Variants in ITGB1BP1 observed in about 807,000 individuals in gnomAD.
The protein encoded by ITGB1BP1 is integrin beta-1-binding protein 1.
A neutral mutation model predicts 28.0 loss-of-function variants in ITGB1BP1; 20 were observed. That is an observed-to-expected ratio of 0.71 (90% CI 0.50 to 1.04). ITGB1BP1 has a LOEUF of 1.04. Ranked by LOEUF, ITGB1BP1 falls within the 50% of genes least tolerant of loss-of-function variation. The pLI, the probability that ITGB1BP1 is intolerant of heterozygous loss-of-function variation, is 0.00. For missense variants in ITGB1BP1, 228 were observed against 242.5 expected, an observed-to-expected ratio of 0.94 and a Z score of 0.40; for synonymous variants, 103 against 89.5, an observed-to-expected ratio of 1.15 and a Z score of -0.85.
Position 9,414,170 on chromosome 2 carries a change from T to C in ITGB1BP1, c.151+8A>G. On this transcript the variant is annotated splice_region_variant and intron_variant, in intron 3 of 6. Coordinates refer to ENST00000355346, the MANE Select transcript of ITGB1BP1 (RefSeq NM_004763.5). Reference sequence around the variant, plus strand: ...GCAGACAATCAATGATCCAACCCTTTTATGTACCTGAGCTTTTGGTGGAAT... The same window carrying C: ...GCAGACAATCAATGATCCAACCCTTCTATGTACCTGAGCTTTTGGTGGAAT... 1 of 1,611,722 alleles carries C rather than the reference T, an allele frequency of 6.2e-7. No individual in the cohort carries two copies. Among genetic ancestry groups the C allele is most frequent in the Non-Finnish European group, 8.5e-7 (1 of 1,177,888 alleles).
chr2:9,407,979 A>G (rs1677774033), intron 5 of ITGB1BP1, 134 bp downstream of exon 5: 3 of 637,866 alleles, frequency 4.7e-6, no homozygotes, highest in Non-Finnish European at 8.3e-6. Context: ...GGTCACGTTT[A>G]AGACCAACTG....
chr2:9,412,243 A>C, intron 4 of ITGB1BP1, 26 bp downstream of exon 4: 1 of 1,583,266 alleles, frequency 6.3e-7, no homozygotes, highest in South Asian at 1.1e-5. Flanking sequence ...TCATAACCAG[A>C]GAGTTACGGA....
chr2:9,422,406 C>A, intron 1 of ITGB1BP1: 3 of 985,584 alleles, frequency 3.0e-6, no homozygotes, highest in Non-Finnish European at 3.6e-6. Context: ...GTTCTCAGCG[C>A]GATGCTCCAC....
intron 2 of ITGB1BP1, 77 bp from the exon 3 acceptor site, chr2:9,414,333 A>G (rs1375212995): frequency 4.1e-6 from 4 of 971,366 alleles, no homozygotes; most frequent in Non-Finnish European, 4.9e-6. Flanking sequence ...ACCCATTCAC[A>G]TCATTTATTA....
rs7578783 is a variant in ITGB1BP1 at position 9,406,060 on chromosome 2, C to T, written c.*774G>A. On this transcript the variant is annotated 3_prime_UTR_variant, in exon 7 of 7. Coordinates refer to ENST00000355346, the MANE Select transcript of ITGB1BP1 (RefSeq NM_004763.5). ...CACTGAGTGGACCTCTGTGACATCT[C>T]GTCTTCCTCAGGCCTTCAGTGTGTG... 4 of 75,608 alleles carry T rather than the reference C, an allele frequency of 5.3e-5. No individual in the cohort carries two copies. Among genetic ancestry groups the T allele is most frequent in the South Asian group, 4.2e-4 (1 of 2,380 alleles). The allele number at this position is 75,608 out of a possible 1,614,324, so 4.7% of individuals were successfully genotyped here. A position where few individuals can be genotyped will look rare whatever the true frequency, so the allele number is the denominator to read the frequency against.
At chr2:9,412,449 G>C in intron 3 of ITGB1BP1, 44 bp from the exon 4 acceptor site, 2 of 1,516,204 alleles carry the variant, frequency 1.3e-6, no homozygotes, top group Non-Finnish European at 8.9e-7. Flanking sequence ...AGAAATATCT[G>C]CATTACAGAG....
intron 1 of ITGB1BP1, 98 bp from the exon 2 acceptor site, chr2:9,418,830 G>A: frequency 3.7e-6 from 3 of 818,460 alleles, no homozygotes; most frequent in Non-Finnish European, 6.0e-6. Context: ...AGGCTGGAGT[G>A]CAGTGGCACA....
chr2:9,416,206 G>A (rs1471558131), intron 2 of ITGB1BP1, among the ~76,000 whole-genome samples: 1 of 152,010 alleles, frequency 6.6e-6, no homozygotes, highest in African/African-American at 2.4e-5. Flanking sequence ...TATTTGACCC[G>A]TATATTTTAA....
At chr2:9,420,689 A>G (rs1679717981) in intron 1 of ITGB1BP1, among the ~76,000 whole-genome samples, 1 of 152,258 alleles carries the variant, frequency 6.6e-6, no homozygotes, top group South Asian at 2.1e-4. Context: ...CAATGGGCCC[A>G]AAGTGCCACA....
In ITGB1BP1 at chr2:9,414,290, C is replaced by T. The variant is rs75769281; in HGVS notation, c.73-34G>A. On this transcript the variant is annotated intron_variant, in intron 2 of 6. Coordinates refer to ENST00000355346, the MANE Select transcript of ITGB1BP1 (RefSeq NM_004763.5). ...CAGAAAAACAAGTAAAAAACCTCCA[C>T]TGAAGCAGCCCTGTCTTCTCTAAAG... is the stretch of plus-strand genomic sequence containing the variant. 3.0e-3 allele frequency: 4,648 copies of T among 1,526,414 alleles called. 102 individuals carry two copies. The African/African-American group carries it at 0.055, about 18-fold the overall frequency. 94.6% of individuals were successfully genotyped at this position (1,526,414 alleles called of 1,614,324 possible). A position where few individuals can be genotyped will look rare whatever the true frequency, so the allele number is the denominator to read the frequency against.
chr2:9,406,857 C>CGT lies in ITGB1BP1; in HGVS notation c.579_580insAC (p.Val194ThrfsTer3). 6.2e-7 allele frequency: 1 copy of CGT among 1,613,146 alleles called. No individual in the cohort carries two copies. Among genetic ancestry groups the CGT allele is most frequent in the Non-Finnish European group, 8.5e-7 (1 of 1,179,096 alleles). ...ATTCAGGGTTTCTCAGATGTTAATA[C>CGT]AGAGTCAAAAGCGGTGGATAAAACC... On this transcript the variant is annotated frameshift_variant, in exon 7 of 7. Transcript: ENST00000355346. LOFTEE classifies it high-confidence loss of function.
At chr2:9,419,716 G>T (rs751715837) in intron 1 of ITGB1BP1, among the ~76,000 whole-genome samples, 9 of 152,176 alleles carry the variant, frequency 5.9e-5, no homozygotes, top group Non-Finnish European at 1.2e-4. Context: ...ACAGCTCACA[G>T]AACTCCCGGG....
chr2:9,410,962 G>A (rs888003113), intron 4 of ITGB1BP1, among the ~76,000 whole-genome samples: 2 of 152,154 alleles, frequency 1.3e-5, no homozygotes, highest in African/African-American at 4.8e-5. Context: ...TCTTGGTATT[G>A]CAGTTAATAT....
At position 9,415,415 on chromosome 2, in the gene ITGB1BP1, AC is replaced by A. The variant is rs2148896968; in HGVS notation, c.73-1160del. Among the ~76,000 whole-genome samples the A allele has an allele frequency of 6.6e-6, 1 of 151,534 alleles. No individual in the cohort carries two copies. Among genetic ancestry groups the A allele is most frequent in the South Asian group, 2.1e-4 (1 of 4,786 alleles). ...AACAAAAACACACACACAAAAAAAA[AC>A]ACAACAATACAAAAATTAGCCAGGC... On this transcript the variant is annotated intron_variant, in intron 2 of 6. Transcript: ENST00000355346. The surrounding 1 kb of genome is among the most constrained non-coding windows in gnomAD (Gnocchi z 4.1).
chr2:9,407,399 G>C (rs749631664), intron 6 of ITGB1BP1, 50 bp downstream of exon 6: 1 of 1,601,890 alleles, frequency 6.2e-7, no homozygotes, highest in Admixed American at 1.7e-5. Flanking sequence ...GTAGTCCCTG[G>C]GTGTTGCGAC....
intron 2 of ITGB1BP1, among the ~76,000 whole-genome samples, chr2:9,417,708 C>T (rs546505037): frequency 6.6e-6 from 1 of 152,148 alleles, no homozygotes; most frequent in African/African-American, 2.4e-5. Context: ...CATGAGCCAC[C>T]GTGCCCGGCC....
intron 1 of ITGB1BP1, among the ~76,000 whole-genome samples, chr2:9,420,621 G>C (rs556755102): frequency 2.0e-5 from 3 of 152,216 alleles, no homozygotes; most frequent in South Asian, 2.1e-4. Context: ...AGGCAATGCC[G>C]TGCGGGTGGA....
chr2:9,417,060 C>T (rs897948338), intron 2 of ITGB1BP1, among the ~76,000 whole-genome samples: 3 of 152,194 alleles, frequency 2.0e-5, no homozygotes, highest in Admixed American at 1.3e-4. Flanking sequence ...ACATCCTCCC[C>T]GGCAGTCTCT....
chr2:9,414,339 T>A (rs1413390449), intron 2 of ITGB1BP1, 83 bp from the exon 3 acceptor site: 12 of 946,962 alleles, frequency 1.3e-5, no homozygotes, highest in Non-Finnish European at 2.0e-5. Context: ...TCACATCATT[T>A]ATTAGAGTTG....
Sources: allele counts gnomAD v4.1 joint callset (sites outside exome capture counted in the v4.1 genomes callset), GRCh38; gene constraint gnomAD v4.1.1; non-coding constraint Gnocchi (gnomAD v3.1); transcripts MANE v1.5; gene names NCBI Gene and HGNC (gene_info 2026-07-23, HGNC 2026-07-21).